PRUNE2: variants seen among roughly 807,000 people sequenced by gnomAD.
The protein encoded by PRUNE2 is protein prune homolog 2.
A neutral mutation model predicts 252.0 loss-of-function variants in PRUNE2; 164 were observed. The observed-to-expected ratio is 0.65, with a 90% CI of 0.57 to 0.74. PRUNE2 has a LOEUF of 0.74. Among genes scored for constraint, PRUNE2 ranks in the 30% least tolerant of loss-of-function variants. The pLI, the probability that PRUNE2 is intolerant of heterozygous loss-of-function variation, is 0.00. For synonymous variants in PRUNE2, 1,292 were observed against 1,350.2 expected, an observed-to-expected ratio of 0.96 and a Z score of 0.94; for missense variants, 3,495 against 3,711.0, an observed-to-expected ratio of 0.94 and a Z score of 1.51.
chr9:76,863,087 G>T (rs914194062), intron 1 of PRUNE2: 3 of 152,288 alleles, frequency 2.0e-5, no homozygotes, highest in South Asian at 2.1e-4. Flanking sequence ...TATTGTTAGA[G>T]ATTAAATTTA....
chr9:76,631,144 A>C (rs1837470435), intron 15 of PRUNE2, among the ~76,000 whole-genome samples: 1 of 152,230 alleles, frequency 6.6e-6, no homozygotes, highest in African/African-American at 2.4e-5. Flanking sequence ...ACACACTACC[A>C]GTGATATGCT....
chr9:76,719,086 T>C (rs2047403330), intron 6 of PRUNE2, among the ~76,000 whole-genome samples: 1 of 152,210 alleles, frequency 6.6e-6, no homozygotes, highest in South Asian at 2.1e-4. Context: ...CTCAGTAATG[T>C]AGTCTCCACA....
intron 1 of PRUNE2, among the ~76,000 whole-genome samples, chr9:76,887,802 T>C (rs1338554330): frequency 2.6e-5 from 4 of 152,220 alleles, no homozygotes; most frequent in African/African-American, 9.6e-5. Flanking sequence ...ACTTGTAACA[T>C]GAGCAGGAAA....
chr9:76,668,405 A>C (rs2040623272), intron 9 of PRUNE2, among the ~76,000 whole-genome samples: 1 of 152,170 alleles, frequency 6.6e-6, no homozygotes, highest in Non-Finnish European at 1.5e-5. Context: ...CAATTACTAA[A>C]ATCTAATCTA....
intron 6 of PRUNE2, among the ~76,000 whole-genome samples, chr9:76,762,419 G>A (rs1019022377): frequency 6.6e-6 from 1 of 152,170 alleles, no homozygotes; most frequent in East Asian, 1.9e-4. Context: ...ACTACCATGG[G>A]AATAATCCAG....
At chr9:76,787,870 C>T (rs1330335218) in intron 6 of PRUNE2, among the ~76,000 whole-genome samples, 1 of 152,224 alleles carries the variant, frequency 6.6e-6, no homozygotes, top group Non-Finnish European at 1.5e-5. Flanking sequence ...CAGCTCCTCC[C>T]GACTTCCTCT....
intron 6 of PRUNE2, among the ~76,000 whole-genome samples, chr9:76,783,135 T>G (rs537993916): frequency 3.3e-5 from 5 of 152,016 alleles, no homozygotes; most frequent in African/African-American, 4.8e-5. Context: ...CTATGCCTTT[T>G]TTTGTTTGTT....
At chr9:76,735,971 T>G (rs2049036874) in intron 6 of PRUNE2, among the ~76,000 whole-genome samples, 1 of 152,258 alleles carries the variant, frequency 6.6e-6, no homozygotes, top group African/African-American at 2.4e-5. Context: ...AGGTTGGGCA[T>G]CATATCTGAT....
intron 6 of PRUNE2, among the ~76,000 whole-genome samples, chr9:76,773,263 A>G (rs1564268686): frequency 6.6e-6 from 1 of 152,216 alleles, no homozygotes; most frequent in Non-Finnish European, 1.5e-5. Flanking sequence ...AGGCCATGTT[A>G]CTTCCAAATC....
At chr9:76,752,332 C>CGT (rs2050704208) in intron 6 of PRUNE2, among the ~76,000 whole-genome samples, 1 of 152,102 alleles carries the variant, frequency 6.6e-6, no homozygotes, top group Non-Finnish European at 1.5e-5. Flanking sequence ...CTCCTGACCT[C>CGT]GTGATCCACC....
chr9:76,715,455 T>A (rs1218101667), intron 6 of PRUNE2, among the ~76,000 whole-genome samples: 2 of 152,206 alleles, frequency 1.3e-5, no homozygotes, highest in Non-Finnish European at 1.5e-5. Context: ...ATCTGGCATC[T>A]TACTGGGCCA....
intron 6 of PRUNE2, chr9:76,785,239 T>G (rs961869523): frequency 5.9e-5 from 9 of 152,214 alleles, no homozygotes; most frequent in African/African-American, 2.2e-4. Context: ...AAATCTAGAA[T>G]GATGTAAAGT....
chr9:76,798,972 G>A (rs559493433), intron 6 of PRUNE2, among the ~76,000 whole-genome samples: 82 of 152,296 alleles, frequency 5.4e-4, no homozygotes, highest in African/African-American at 1.7e-3. Flanking sequence ...AGAACTTTTT[G>A]GAGAATTACA....
At position 76,840,717 on chromosome 9, in the gene PRUNE2, A is replaced by C. The variant is rs187874510; in HGVS notation, c.508+5798T>G. Among the ~76,000 whole-genome samples, 486 of 152,334 alleles carry C rather than the reference A, an allele frequency of 3.2e-3. 2 individuals are homozygous for C. The highest frequency in any genetic ancestry group is 0.011 in the African/African-American group (464 of 41,582). ...TGTTCTAGGCTGGGAGTGGTGGCTCAGGCCTGTAATCCCAGCACTTTGGGA... is the reference window on the plus strand; with the variant it reads ...TGTTCTAGGCTGGGAGTGGTGGCTCCGGCCTGTAATCCCAGCACTTTGGGA... On this transcript the variant is annotated intron_variant, in intron 4 of 18. Coordinates refer to ENST00000376718, the MANE Select transcript of PRUNE2 (RefSeq NM_015225.3).
At chr9:76,669,281 A>ACAC (rs988544740) in intron 9 of PRUNE2, among the ~76,000 whole-genome samples, 1 of 151,594 alleles carries the variant, frequency 6.6e-6, no homozygotes, top group Non-Finnish European at 1.5e-5. Context: ...GTACAAGGTC[A>ACAC]CACCACCACC....
intron 12 of PRUNE2, among the ~76,000 whole-genome samples, chr9:76,642,983 G>A (rs1405587670): frequency 6.6e-6 from 1 of 152,186 alleles, no homozygotes; most frequent in East Asian, 1.9e-4. Flanking sequence ...TTGCGACACA[G>A]AATGGAGACG....
intron 4 of PRUNE2, among the ~76,000 whole-genome samples, chr9:76,834,937 G>C (rs1434632192): frequency 1.3e-5 from 2 of 152,136 alleles, no homozygotes; most frequent in Non-Finnish European, 2.9e-5. Flanking sequence ...AGCAAGCACT[G>C]ACCTAACTTA....
Position 76,708,184 on chromosome 9 carries a change from C to A in PRUNE2, c.4090G>T (p.Glu1364Ter). 1 of 1,613,998 alleles carries A rather than the reference C, an allele frequency of 6.2e-7. No homozygotes were observed. The highest frequency in any genetic ancestry group is 8.5e-7 in the Non-Finnish European group (1 of 1,179,886). ...TCAGATGCAACCAGAGAAGACAGTT[C>A]CTGGTCACTCTGCCCTTTTTCAGAA... Reference protein sequence around the residue: ...GISEKGQSDQELSSLVASEHQ... With the variant: ...GISEKGQSDQ Residue 1364 changes from glutamate to a stop codon, truncating the protein, a stop_gained, in exon 8 of 19, where the codon GAA (glutamate) becomes TAA (stop). Transcript: ENST00000376718. LOFTEE classifies it high-confidence loss of function.
At chr9:76,843,725 CTT>C (rs71501394) in intron 4 of PRUNE2, among the ~76,000 whole-genome samples, 25,812 of 127,148 alleles carry the variant, frequency 0.2, 2,170 homozygotes, top group African/African-American at 0.36. Flanking sequence ...CTTGATTCCT[CTT>C]TTTTTTTTTT....
Sources: allele counts gnomAD v4.1 joint callset (sites outside exome capture counted in the v4.1 genomes callset), GRCh38; gene constraint gnomAD v4.1.1; transcripts MANE v1.5; gene names NCBI Gene and HGNC (gene_info 2026-07-23, HGNC 2026-07-21).